RBFOX1: variants seen among roughly 807,000 people sequenced by gnomAD.
RBFOX1 encodes the protein RNA binding fox-1 homolog 1.
RBFOX1 carries 8 observed loss-of-function variants against 57.7 expected under a neutral mutation model. That is an observed-to-expected ratio of 0.14 (90% CI 0.08 to 0.25). RBFOX1 has a LOEUF of 0.25. Ranked by LOEUF, RBFOX1 falls within the 10% of genes least tolerant of loss-of-function variation. The pLI is 1.00. For synonymous variants in RBFOX1, 326 were observed against 222.4 expected (o/e 1.47, Z -4.15); for missense variants, 611 against 548.5 (o/e 1.11, Z -1.14).
intron 1 of RBFOX1, among the ~76,000 whole-genome samples, chr16:5,306,786 C>A (rs866018631): frequency 6.6e-6 from 1 of 152,210 alleles, no homozygotes; most frequent in Non-Finnish European, 1.5e-5. Flanking sequence ...CTGCTCTGTT[C>A]TGCGTCTTGC....
chr16:5,766,597 A>C lies in RBFOX1; in HGVS notation c.319-100706A>C, dbSNP rs7188699. ...GAGACTCTGTCTCAAGAAACAAACA[A>C]ACAAACAAAATGAAAAACAGATCTC... On this transcript the variant is annotated intron_variant, in intron 3 of 19. Transcript: ENST00000641259. Among the ~76,000 whole-genome samples, 103 of 152,222 alleles carry C rather than the reference A, an allele frequency of 6.8e-4. 1 individual carries two copies. The highest frequency in any genetic ancestry group is 2.3e-3 in the African/African-American group (95 of 41,524).
intron 4 of RBFOX1, among the ~76,000 whole-genome samples, chr16:7,353,078 T>C (rs17146172): frequency 0.2 from 30,815 of 152,100 alleles, 5,091 homozygotes; most frequent in African/African-American, 0.46. Flanking sequence ...AGTGGAACCC[T>C]AAAGCCATAC....
intron 3 of RBFOX1, among the ~76,000 whole-genome samples, chr16:5,780,726 G>A (rs1366046534): frequency 1.3e-5 from 2 of 152,146 alleles, no homozygotes; most frequent in African/African-American, 2.4e-5. Flanking sequence ...AAATTCCACC[G>A]TTAAGTCACT....
chr16:6,364,431 A>C (rs2089197493), intron 2 of RBFOX1, among the ~76,000 whole-genome samples: 1 of 151,986 alleles, frequency 6.6e-6, no homozygotes, highest in African/African-American at 2.4e-5. Context: ...TATTTTTAAC[A>C]CCCACCTTGC....
chr16:5,297,416 C>G (rs2063696184), intron 1 of RBFOX1, among the ~76,000 whole-genome samples: 1 of 152,168 alleles, frequency 6.6e-6, no homozygotes, highest in Non-Finnish European at 1.5e-5. Flanking sequence ...TATCTTTCAT[C>G]TTTTTTATCA....
At chr16:6,801,064 C>T (rs72766737) in intron 3 of RBFOX1, among the ~76,000 whole-genome samples, 7,764 of 151,954 alleles carry the variant, frequency 0.051, 280 homozygotes, top group East Asian at 0.083. Flanking sequence ...AAAAATCAGA[C>T]GGAGGACTTG....
At chr16:7,547,276 A>G (rs917491878) in intron 5 of RBFOX1, among the ~76,000 whole-genome samples, 1 of 152,354 alleles carries the variant, frequency 6.6e-6, no homozygotes, top group South Asian at 2.1e-4. Context: ...ATAATGATGC[A>G]TTAGCACCTT....
intron 2 of RBFOX1, among the ~76,000 whole-genome samples, chr16:6,491,636 C>T (rs57657274): frequency 6.6e-6 from 1 of 152,054 alleles, no homozygotes; most frequent in East Asian, 1.9e-4. Flanking sequence ...GTACTAATTC[C>T]CAGATGTGCA....
intron 3 of RBFOX1, among the ~76,000 whole-genome samples, chr16:5,714,605 C>G (rs895773002): frequency 1.3e-5 from 2 of 152,194 alleles, no homozygotes; most frequent in African/African-American, 4.8e-5. Flanking sequence ...TACAGCATTA[C>G]TGTGGCAATA....
chr16:5,398,085 CTG>C (rs1688321663), intron 1 of RBFOX1, among the ~76,000 whole-genome samples: 1 of 152,200 alleles, frequency 6.6e-6, no homozygotes, highest in African/African-American at 2.4e-5. Flanking sequence ...GAGGTTATAA[CTG>C]AGATTCAACC....
chr16:7,060,681 C>G (rs972463012), intron 4 of RBFOX1, among the ~76,000 whole-genome samples: 1 of 152,098 alleles, frequency 6.6e-6, no homozygotes, highest in African/African-American at 2.4e-5. Flanking sequence ...TATTGGATCC[C>G]CCAGCAAGTA....
intron 14 of RBFOX1, among the ~76,000 whole-genome samples, chr16:7,696,905 C>G (rs1039930745): frequency 7.2e-5 from 11 of 152,100 alleles, no homozygotes; most frequent in African/African-American, 1.7e-4. Flanking sequence ...GTGGTTGAGA[C>G]ATACTTGAGG....
chr16:6,477,822 T>A (rs921022392), intron 2 of RBFOX1, among the ~76,000 whole-genome samples: 7 of 152,202 alleles, frequency 4.6e-5, no homozygotes, highest in African/African-American at 1.7e-4. Context: ...TCGTCAGTGA[T>A]CTTAGCTAGA....
chr16:5,619,143 C>G (rs1236504796), intron 3 of RBFOX1, among the ~76,000 whole-genome samples: 1 of 152,166 alleles, frequency 6.6e-6, no homozygotes, highest in African/African-American at 2.4e-5. Flanking sequence ...ACAAGACGTG[C>G]AAAGGGGTTA....
chr16:7,572,541 C>A (rs934268155), intron 5 of RBFOX1, among the ~76,000 whole-genome samples: 4 of 152,020 alleles, frequency 2.6e-5, no homozygotes, highest in African/African-American at 9.7e-5. Flanking sequence ...ATGATCCACC[C>A]ATCAAAAATA....
chr16:6,378,209 C>A (rs372339369), intron 2 of RBFOX1, among the ~76,000 whole-genome samples: 2 of 152,212 alleles, frequency 1.3e-5, no homozygotes, highest in Admixed American at 1.3e-4. Flanking sequence ...GCCTCAGCTC[C>A]CTGCAGCCTT....
chr16:7,539,502 A>G (rs932059695), intron 5 of RBFOX1, among the ~76,000 whole-genome samples: 9 of 152,210 alleles, frequency 5.9e-5, no homozygotes, highest in Admixed American at 3.9e-4. Flanking sequence ...CCCAGGTGAC[A>G]TATTGTCCAT....
At chr16:5,364,582 T>G (rs1391902933) in intron 1 of RBFOX1, among the ~76,000 whole-genome samples, 1 of 152,244 alleles carries the variant, frequency 6.6e-6, no homozygotes, top group Non-Finnish European at 1.5e-5. Flanking sequence ...TACTCCATTC[T>G]CTATCTAAAA....
At chr16:5,621,862 C>G (rs896584590) in intron 3 of RBFOX1, among the ~76,000 whole-genome samples, 1 of 152,090 alleles carries the variant, frequency 6.6e-6, no homozygotes, top group African/African-American at 2.4e-5. Flanking sequence ...CTTCGTGTTT[C>G]AATGCTTAGG....
Sources: allele counts gnomAD v4.1 joint callset (sites outside exome capture counted in the v4.1 genomes callset), GRCh38; gene constraint gnomAD v4.1.1; transcripts MANE v1.5; gene names NCBI Gene and HGNC (gene_info 2026-07-23, HGNC 2026-07-21).